The following ME3 variants were observed in gnomAD, a reference collection of about 807,000 sequenced individuals.
The protein encoded by ME3 is NADP-dependent malic enzyme, mitochondrial.
Under a neutral mutation model 68.9 loss-of-function variants are expected in ME3, and 48 were observed. The observed-to-expected ratio is 0.70, with a 90% CI of 0.55 to 0.89. The LOEUF (loss-of-function observed/expected upper bound fraction) is 0.89, where lower values mean the gene tolerates loss of function less well. ME3 is among the 40% of genes least tolerant of loss of function. The pLI, the probability that ME3 is intolerant of heterozygous loss-of-function variation, is 0.00. For missense variants in ME3, 675 were observed against 797.4 expected (o/e 0.85, Z 1.85); for synonymous variants, 320 against 318.8 (o/e 1.00, Z -0.04).
intron 2 of ME3, among the ~76,000 whole-genome samples, chr11:86,663,733 C>T (rs1565296460): frequency 6.6e-6 from 1 of 151,904 alleles, no homozygotes; most frequent in Non-Finnish European, 1.5e-5. Flanking sequence ...GTAGAAATGA[C>T]AAAAATGTGA....
chr11:86,466,992 T>G (rs1348716377), intron 7 of ME3, among the ~76,000 whole-genome samples: 1 of 152,248 alleles, frequency 6.6e-6, no homozygotes, highest in East Asian at 1.9e-4. Context: ...TTGTGAGGGT[T>G]AAAAGCTGAG....
intron 2 of ME3, among the ~76,000 whole-genome samples, chr11:86,611,974 T>C (rs761630640): frequency 6.6e-6 from 1 of 152,238 alleles, no homozygotes; most frequent in Non-Finnish European, 1.5e-5. Context: ...ATGAGATACA[T>C]GTGCAGAACA....
chr11:86,605,666 A>T (rs1183085900), intron 2 of ME3, among the ~76,000 whole-genome samples: 1 of 152,184 alleles, frequency 6.6e-6, no homozygotes, highest in Non-Finnish European at 1.5e-5. Context: ...TAATCATTGA[A>T]GTTTTTTATT....
At chr11:86,646,950 C>G (rs759330028) in intron 2 of ME3, among the ~76,000 whole-genome samples, 6 of 152,142 alleles carry the variant, frequency 3.9e-5, no homozygotes, top group Non-Finnish European at 5.9e-5. Flanking sequence ...TCCAGCCAAC[C>G]AAGCTTCATA....
At chr11:86,606,789 T>C (rs1013877594) in intron 2 of ME3, among the ~76,000 whole-genome samples, 1 of 152,240 alleles carries the variant, frequency 6.6e-6, no homozygotes, top group Non-Finnish European at 1.5e-5. Context: ...TAGATGTTAT[T>C]TGTCTTGAAA....
chr11:86,462,493 T>C, intron 8 of ME3: 2 of 916,096 alleles, frequency 2.2e-6, no homozygotes, highest in Non-Finnish European at 1.3e-6. Flanking sequence ...TGTTCAAGGG[T>C]CAGCTGTACA....
At chr11:86,447,167 C>T in exon 12 of ME3, 1 of 1,614,202 alleles carries the variant, frequency 6.2e-7, no homozygotes, top group Non-Finnish European at 8.5e-7. Flanking sequence ...CCATGTCCCT[C>T]AGAATCTGCT....
downstream of ME3, among the ~76,000 whole-genome samples, chr11:86,440,408 T>C (rs1325126270): frequency 6.6e-6 from 1 of 152,190 alleles, no homozygotes; most frequent in Non-Finnish European, 1.5e-5. Context: ...AAAACTGCTT[T>C]GTGTTGCTCA....
At chr11:86,613,883 G>T (rs1227064903) in intron 2 of ME3, among the ~76,000 whole-genome samples, 1 of 152,122 alleles carries the variant, frequency 6.6e-6, no homozygotes. Context: ...CGTGAAAATG[G>T]TCATACTGCC....
intron 2 of ME3, among the ~76,000 whole-genome samples, chr11:86,586,041 T>C (rs1958712147): frequency 6.6e-6 from 1 of 152,214 alleles, no homozygotes; most frequent in Admixed American, 6.5e-5. Context: ...GATGGAGTTA[T>C]ACTGGAGTGG....
chr11:86,567,867 T>C (rs1218446143), intron 2 of ME3, among the ~76,000 whole-genome samples: 2 of 152,224 alleles, frequency 1.3e-5, no homozygotes, highest in African/African-American at 4.8e-5. Flanking sequence ...TGAGAACTTA[T>C]ATTTCTCTAC....
At chr11:86,637,926 G>T (rs1944441296) in intron 2 of ME3, among the ~76,000 whole-genome samples, 1 of 151,036 alleles carries the variant, frequency 6.6e-6, no homozygotes, top group Admixed American at 6.6e-5. Context: ...CTATGAATTT[G>T]TGCAAATATA....
chr11:86,621,149 T>C (rs1943323881), intron 2 of ME3, among the ~76,000 whole-genome samples: 1 of 152,226 alleles, frequency 6.6e-6, no homozygotes. Flanking sequence ...ATTCCTGCCA[T>C]CTCCAAATTT....
intron 2 of ME3, among the ~76,000 whole-genome samples, chr11:86,636,983 G>T (rs1354417053): frequency 6.6e-6 from 1 of 152,184 alleles, no homozygotes; most frequent in Non-Finnish European, 1.5e-5. Flanking sequence ...AGAAGCCAAA[G>T]ATCTGGACAA....
chr11:86,595,292 CATATAT>C (rs775768095), intron 2 of ME3, among the ~76,000 whole-genome samples: 16 of 124,262 alleles, frequency 1.3e-4, no homozygotes, highest in South Asian at 2.8e-4. Flanking sequence ...TATACATATA[CATATAT>C]ATATATATAG....
At chr11:86,542,146 G>A (rs1239180691) in intron 4 of ME3, among the ~76,000 whole-genome samples, 2 of 152,208 alleles carry the variant, frequency 1.3e-5, no homozygotes, top group Non-Finnish European at 1.5e-5. Context: ...AACCCCATCT[G>A]AAGGTCACTA....
intron 7 of ME3, among the ~76,000 whole-genome samples, chr11:86,466,325 G>T (rs1181396448): frequency 1.3e-5 from 2 of 152,176 alleles, no homozygotes; most frequent in Non-Finnish European, 2.9e-5. Context: ...GATAAAAATA[G>T]GTTTCACCTC....
chr11:86,539,408 C>T (rs998095300), intron 4 of ME3, among the ~76,000 whole-genome samples: 3 of 152,154 alleles, frequency 2.0e-5, no homozygotes, highest in African/African-American at 7.2e-5. Flanking sequence ...ACCCATGCCA[C>T]ACTTCACACA....
At chr11:86,533,012 A>G (rs867406104) in intron 4 of ME3, among the ~76,000 whole-genome samples, 1 of 151,970 alleles carries the variant, frequency 6.6e-6, no homozygotes, top group Non-Finnish European at 1.5e-5. Context: ...AGATCGCATC[A>G]TTGCACTCCA....
Sources: gnomAD v4.1 joint callset for allele counts (sites outside exome capture counted in the v4.1 genomes callset) on GRCh38, gnomAD v4.1.1 for gene constraint, MANE v1.5 for transcripts, NCBI Gene and HGNC (gene_info 2026-07-23, HGNC 2026-07-21) for gene names.